The following BTBD2 variants were observed in gnomAD, a reference collection of about 807,000 sequenced individuals.
BTBD2 encodes the protein BTB/POZ domain-containing protein 2.
In BTBD2, 15 loss-of-function variants were observed where a neutral mutation model predicts 44.0. That is an observed-to-expected ratio of 0.34 (90% CI 0.23 to 0.53). The LOEUF (loss-of-function observed/expected upper bound fraction) is 0.53, where lower values mean the gene tolerates loss of function less well. BTBD2 is among the 20% of genes least tolerant of loss of function. The pLI, the probability that BTBD2 is intolerant of heterozygous loss-of-function variation, is 0.95. For synonymous variants in BTBD2, 443 were observed against 335.9 expected, an observed-to-expected ratio of 1.32 and a Z score of -3.49; for missense variants, 657 against 746.4, an observed-to-expected ratio of 0.88 and a Z score of 1.39.
At chr19:2,009,202 TTTTTC>T in intron 1 of BTBD2, among the ~76,000 whole-genome samples, 1 of 123,474 alleles carries the variant, frequency 8.1e-6, no homozygotes, top group South Asian at 2.6e-4. Flanking sequence ...TGGTTTTTCT[TTTTTC>T]TTCTTTTTTG....
chr19:2,015,289 G>T lies in BTBD2; in HGVS notation c.407+8C>A, dbSNP rs938890375. On this transcript the variant is annotated splice_region_variant and intron_variant, in intron 1 of 8. Coordinates refer to ENST00000255608, the MANE Select transcript of BTBD2 (RefSeq NM_017797.4). ...CGGGGCCAGGGCTGGCGGGGTCGGG[G>T]CGCCCACCTGTGCGCGGGGATGCGC... The T allele has an allele frequency of 6.5e-7, 1 of 1,545,086 alleles. No homozygotes were observed. Among genetic ancestry groups the T allele is most frequent in the Non-Finnish European group, 8.7e-7 (1 of 1,152,124 alleles).
chr19:2,002,679 C>A (rs1243206516), intron 1 of BTBD2: 2 of 152,006 alleles, frequency 1.3e-5, no homozygotes, highest in African/African-American at 4.8e-5. Flanking sequence ...CGAGACCATC[C>A]TGGCTAACAC....
intron 1 of BTBD2, among the ~76,000 whole-genome samples, chr19:1,998,735 T>C (rs1019025409): frequency 6.6e-6 from 1 of 152,094 alleles, no homozygotes; most frequent in Non-Finnish European, 1.5e-5. Context: ...GCCCACACGA[T>C]GGCCTCCCAG....
intron 1 of BTBD2, chr19:2,003,569 G>C (rs2016356240): frequency 6.6e-6 from 1 of 152,020 alleles, no homozygotes; most frequent in African/African-American, 2.4e-5. Context: ...GGGAGTTCAA[G>C]ACCAGCCTAA....
chr19:1,992,933 CTCCGCCTCCAGCCTCGGTCCG>C, intron 3 of BTBD2, 66 bp downstream of exon 3: 1 of 840,836 alleles, frequency 1.2e-6, no homozygotes, highest in Non-Finnish European at 1.6e-6. Flanking sequence ...CCGGCCCCGC[CTCCGCCTCCAGCCTCGGTCCG>C]CCCCACCCCG....
chr19:2,006,768 A>G (rs1265931220), intron 1 of BTBD2, among the ~76,000 whole-genome samples: 1 of 151,810 alleles, frequency 6.6e-6, no homozygotes, highest in African/African-American at 2.4e-5. Flanking sequence ...AGCTCACTGC[A>G]ACCTCCTCCT....
At chr19:2,012,173 G>C (rs543280887) in intron 1 of BTBD2, among the ~76,000 whole-genome samples, 1 of 134,698 alleles carries the variant, frequency 7.4e-6, no homozygotes, top group East Asian at 2.2e-4. Context: ...TTTTTTTTGA[G>C]ATGGTGTGTC....
At chr19:2,001,483 A>G (rs894927775) in intron 1 of BTBD2, among the ~76,000 whole-genome samples, 1 of 152,080 alleles carries the variant, frequency 6.6e-6, no homozygotes, top group Admixed American at 6.6e-5. Flanking sequence ...CAAGCCTGAG[A>G]CTCCATCTCA....
At chr19:1,992,886 C>T in intron 3 of BTBD2, 134 bp downstream of exon 3, 1 of 908,080 alleles carries the variant, frequency 1.1e-6, no homozygotes, top group Non-Finnish European at 1.5e-6. Context: ...ACACATTTTA[C>T]TACCAGGCAG....
At position 2,013,601 on chromosome 19, in the gene BTBD2, G is replaced by A. The variant is rs191991210; in HGVS notation, c.407+1696C>T. The A allele has an allele frequency of 1.7e-4, 170 of 988,896 alleles. No homozygotes were observed. In the African/African-American group the frequency reaches 2.8e-3, roughly 16 times the overall value. The allele number at this position is 988,896 out of a possible 1,614,324, so 61.3% of individuals were successfully genotyped here. A position where few individuals can be genotyped will look rare whatever the true frequency, so the allele number is the denominator to read the frequency against. ...GCAGTGGCGGAGCTGGAGGTGGGTG[G>A]TCACTGAAGTGGGAGGTGGCAGGGC... On this transcript the variant is annotated intron_variant, in intron 1 of 8. Transcript: ENST00000255608.
chr19:2,003,224 A>G (rs1303233156), intron 1 of BTBD2: 1 of 152,192 alleles, frequency 6.6e-6, no homozygotes, highest in Non-Finnish European at 1.5e-5. Flanking sequence ...CTGTAATCCC[A>G]GCACTTTGGG....
intron 1 of BTBD2, among the ~76,000 whole-genome samples, chr19:2,010,368 G>A (rs932325403): frequency 4.6e-5 from 7 of 152,114 alleles, no homozygotes; most frequent in African/African-American, 9.7e-5. Flanking sequence ...ATCCAGGACC[G>A]GGGAACAGCC....
chr19:1,994,575 A>G (rs898201593), intron 2 of BTBD2, among the ~76,000 whole-genome samples: 2 of 151,834 alleles, frequency 1.3e-5, no homozygotes, highest in African/African-American at 4.8e-5. Flanking sequence ...CCTGGCCAAC[A>G]TGATGAAACC....
At chr19:1,995,721 C>G (rs914883018) in intron 2 of BTBD2, among the ~76,000 whole-genome samples, 1 of 151,298 alleles carries the variant, frequency 6.6e-6, no homozygotes, top group African/African-American at 2.4e-5. Context: ...ACTCCAACCT[C>G]CATCTCCCGG....
chr19:1,987,474 C>T lies in BTBD2; in HGVS notation c.1181+26G>A, dbSNP rs780302016. On this transcript the variant is annotated intron_variant, in intron 6 of 8. Transcript: ENST00000255608. ...GAGTCCTCCACCCCCATGTCCGGAC[C>T]CCCCCGCCTGCACCCCAAGCCCCAC... 13 of 1,535,846 alleles carry T rather than the reference C, an allele frequency of 8.5e-6. No individual in the cohort carries two copies. In the Admixed American group the frequency reaches 1.8e-4, roughly 21 times the overall value.
intron 5 of BTBD2, among the ~76,000 whole-genome samples, chr19:1,988,887 G>A (rs980074671): frequency 6.6e-6 from 1 of 152,110 alleles, no homozygotes; most frequent in Non-Finnish European, 1.5e-5. Context: ...TTACAGGAGT[G>A]AGTGACCCAG....
rs369111058 is a variant in BTBD2 at position 1,990,745 on chromosome 19, G to A, written c.762C>T (p.Thr254=). Reference sequence around the variant, plus strand: ...GGTCAATGTCGGTGAAGCCCTCCGCGGTGATGGCGTCTGCAGTGTTTTTGT... The same window carrying A: ...GGTCAATGTCGGTGAAGCCCTCCGCAGTGATGGCGTCTGCAGTGTTTTTGT... ...NIDKNTADAI[T]AEGFTDIDLD... Residue 254 remains threonine, a synonymous_variant, in exon 4 of 9, where the codon ACC becomes ACT. Transcript: ENST00000255608. 3.6e-5 allele frequency: 58 copies of A among 1,603,510 alleles called. No homozygotes were observed. Among genetic ancestry groups the A allele is most frequent in the Non-Finnish European group, 4.8e-5 (57 of 1,175,410 alleles).
chr19:1,990,213 A>AT lies in BTBD2; in HGVS notation c.791-13_791-12insA, dbSNP rs1568215196. ...AGCCACCAGCGTGTCTGTGGGGTGG[A>AT]GGAAGGGGCTGCGTGAACACGACAC... On this transcript the variant is annotated splice_polypyrimidine_tract_variant and intron_variant, in intron 4 of 8. Transcript: ENST00000255608. 5.7e-6 allele frequency: 9 copies of AT among 1,584,342 alleles called. No homozygotes were observed. Among genetic ancestry groups the AT allele is most frequent in the Non-Finnish European group, 6.9e-6 (8 of 1,166,502 alleles).
intron 1 of BTBD2, among the ~76,000 whole-genome samples, chr19:2,006,802 C>T (rs1282250521): frequency 6.6e-6 from 1 of 152,096 alleles, no homozygotes; most frequent in Non-Finnish European, 1.5e-5. Flanking sequence ...GATTCTCCTG[C>T]CTCAGCCTCC....
Sources: gnomAD v4.1 joint callset for allele counts (sites outside exome capture counted in the v4.1 genomes callset) on GRCh38, gnomAD v4.1.1 for gene constraint, MANE v1.5 for transcripts, NCBI Gene and HGNC (gene_info 2026-07-23, HGNC 2026-07-21) for gene names.